The following CYB5R3 variants were observed in gnomAD, a reference collection of about 807,000 sequenced individuals.
The protein encoded by CYB5R3 is cytochrome b5 reductase 3.
A neutral mutation model predicts 36.5 loss-of-function variants in CYB5R3; 28 were observed. The ratio of observed to expected loss-of-function variants is 0.77; its 90% CI spans 0.57 to 1.05. CYB5R3 has a LOEUF of 1.05. Ranked by LOEUF, CYB5R3 falls within the 50% of genes least tolerant of loss-of-function variation. The probability of loss-of-function intolerance (pLI) is 0.00; values close to 1 mark genes in which losing one functional copy is unlikely to be tolerated. For synonymous variants in CYB5R3, 181 were observed against 159.8 expected (o/e 1.13, Z -1.00); for missense variants, 474 against 408.9 (o/e 1.16, Z -1.37).
intron 1 of CYB5R3, among the ~76,000 whole-genome samples, chr22:42,649,073 G>A (rs1929652472): frequency 6.6e-6 from 1 of 152,080 alleles, no homozygotes; most frequent in Admixed American, 6.5e-5. Flanking sequence ...CAGGAGGGCT[G>A]GGTCCCCGCT....
intron 1 of CYB5R3, among the ~76,000 whole-genome samples, chr22:42,638,690 C>G (rs1182502579): frequency 7.3e-6 from 1 of 136,312 alleles, no homozygotes; most frequent in African/African-American, 2.8e-5. Flanking sequence ...CAAGATCACA[C>G]CACCACACTC....
intron 5 of CYB5R3, 71 bp from the exon 6 acceptor site, chr22:42,627,759 G>C: frequency 8.2e-7 from 1 of 1,213,608 alleles, no homozygotes; most frequent in Non-Finnish European, 1.2e-6. Flanking sequence ...GGCTGGAGAG[G>C]GGGCTGGAGA....
chr22:42,633,395 G>A (rs1397113074), intron 2 of CYB5R3: 1 of 152,326 alleles, frequency 6.6e-6, no homozygotes, highest in Admixed American at 6.5e-5. Context: ...CCCTCTGCAC[G>A]GGGCCCTGGG....
At chr22:42,638,591 C>T (rs1192619683) in intron 1 of CYB5R3, among the ~76,000 whole-genome samples, 1 of 148,632 alleles carries the variant, frequency 6.7e-6, no homozygotes, top group Non-Finnish European at 1.5e-5. Context: ...AACCTGAATC[C>T]CTGGGCGGGC....
rs1927841570 is a variant in CYB5R3 at position 42,619,595 on chromosome 22, G to A, written c.*178C>T. ...GAAGGCTCAGCCGTGGCCCATCTGG[G>A]ACACAGCCCTGCTCCCGAAGGGGCT... On this transcript the variant is annotated 3_prime_UTR_variant, in exon 9 of 9. Transcript: ENST00000352397. The A allele has an allele frequency of 3.2e-6, 2 of 633,802 alleles. No individual in the cohort carries two copies. Among genetic ancestry groups the A allele is most frequent in the South Asian group, 3.8e-5 (2 of 52,322 alleles). 39.3% of individuals were successfully genotyped at this position (633,802 alleles called of 1,614,324 possible).
chr22:42,644,509 T>C, intron 1 of CYB5R3: 1 of 1,333,472 alleles, frequency 7.5e-7, no homozygotes, highest in Non-Finnish European at 1.0e-6. Flanking sequence ...CTCCTATTCA[T>C]TCCTCAGAGC....
chr22:42,648,490 C>T (rs562239677), intron 1 of CYB5R3, among the ~76,000 whole-genome samples: 22 of 152,338 alleles, frequency 1.4e-4, no homozygotes, highest in African/African-American at 4.8e-4. Context: ...TGGCTCTAGG[C>T]CAGCCCAGGA....
intron 2 of CYB5R3, among the ~76,000 whole-genome samples, chr22:42,634,360 T>C (rs918992183): frequency 6.6e-6 from 1 of 151,966 alleles, no homozygotes; most frequent in African/African-American, 2.4e-5. Flanking sequence ...AAACTCCATC[T>C]CAAAAACAAA....
intron 1 of CYB5R3, among the ~76,000 whole-genome samples, chr22:42,646,454 T>C (rs920315121): frequency 4.6e-5 from 7 of 151,924 alleles, no homozygotes; most frequent in South Asian, 2.1e-4. Context: ...TCCCCACACA[T>C]AGAATGCCCT....
chr22:42,646,214 C>A (rs557985095), intron 1 of CYB5R3, among the ~76,000 whole-genome samples: 1 of 152,184 alleles, frequency 6.6e-6, no homozygotes, highest in Non-Finnish European at 1.5e-5. Flanking sequence ...CACACTCACA[C>A]ACACACTCAC....
intron 8 of CYB5R3, among the ~76,000 whole-genome samples, chr22:42,623,495 G>A (rs1380017258): frequency 1.3e-5 from 2 of 152,252 alleles, no homozygotes; most frequent in South Asian, 4.1e-4. Context: ...GCCCCGCCCA[G>A]GGAGGGGACG....
intron 1 of CYB5R3, chr22:42,646,881 T>C (rs1257589555): frequency 1.6e-5 from 16 of 985,404 alleles, no homozygotes; most frequent in Non-Finnish European, 1.8e-5. Context: ...CCCGGCAGAC[T>C]GTACCTGTCA....
At chr22:42,644,561 G>T in intron 1 of CYB5R3, 1 of 1,525,164 alleles carries the variant, frequency 6.6e-7, no homozygotes, top group Non-Finnish European at 8.8e-7. Context: ...CCCTTCCCTA[G>T]CTAACCAGGC....
At position 42,638,895 on chromosome 22, in the gene CYB5R3, G is replaced by A. The variant is rs545977259; in HGVS notation, c.22-2049C>T. Among the ~76,000 whole-genome samples, 337 of 150,282 alleles carry A rather than the reference G, an allele frequency of 2.2e-3. 2 individuals carry two copies. The highest frequency in any genetic ancestry group is 8.0e-3 in the African/African-American group (326 of 40,816). On this transcript the variant is annotated intron_variant, in intron 1 of 8. Coordinates refer to ENST00000352397, the MANE Select transcript of CYB5R3 (RefSeq NM_000398.7). Reference sequence around the variant, plus strand: ...TAAAAATACAAAAAATTAGCTGGATGTGGTGGCGCATGCCTGGAATCCCAG... The same window carrying A: ...TAAAAATACAAAAAATTAGCTGGATATGGTGGCGCATGCCTGGAATCCCAG...
chr22:42,644,345 G>T (rs8190408), intron 1 of CYB5R3: 1 of 703,110 alleles, frequency 1.4e-6, no homozygotes. Flanking sequence ...GCTCCCCACT[G>T]CCTACCTGAA....
At chr22:42,634,819 G>C (rs1928804310) in intron 2 of CYB5R3, among the ~76,000 whole-genome samples, 1 of 115,864 alleles carries the variant, frequency 8.6e-6, no homozygotes. Context: ...TTGATTGATT[G>C]ATTGAGACAG....
At chr22:42,632,627 G>C (rs1301859792) in intron 2 of CYB5R3, 1 of 152,262 alleles carries the variant, frequency 6.6e-6, no homozygotes, top group Non-Finnish European at 1.5e-5. Context: ...CTGCATTAGG[G>C]GCAAACAGAG....
Position 42,630,978 on chromosome 22 carries a change from G to A in CYB5R3, c.237C>T (p.Ile79=). The change falls in exon 4 of 9, where the codon ATC becomes ATT. Residue 79 remains isoleucine, a synonymous_variant. Transcript: ENST00000352397. ...HILGLPVGQH[I]YLSARIDGNL... ...TTCCATCAATTCGAGCCGAGAGGTA[G>A]ATGTGCTGGCCTGCAGGACAGAACG... The A allele has an allele frequency of 6.2e-7, 1 of 1,613,884 alleles. No individual in the cohort carries two copies. The highest frequency in any genetic ancestry group is 8.5e-7 in the Non-Finnish European group (1 of 1,179,922).
intron 8 of CYB5R3, among the ~76,000 whole-genome samples, chr22:42,623,192 C>G (rs1003548131): frequency 6.6e-5 from 10 of 152,218 alleles, no homozygotes; most frequent in Non-Finnish European, 1.3e-4. Flanking sequence ...CTATCTGAAG[C>G]CGAAAAGGGA....
Sources: gnomAD v4.1 joint callset for allele counts (sites outside exome capture counted in the v4.1 genomes callset) on GRCh38, gnomAD v4.1.1 for gene constraint, MANE v1.5 for transcripts, NCBI Gene and HGNC (gene_info 2026-07-23, HGNC 2026-07-21) for gene names.